The following CCDC28A variants were observed in gnomAD, a reference collection of about 807,000 sequenced individuals.
The protein encoded by CCDC28A is coiled-coil domain-containing protein 28A.
Under a neutral mutation model 22.1 loss-of-function variants are expected in CCDC28A, and 24 were observed. The ratio of observed to expected loss-of-function variants is 1.09; its 90% confidence interval spans 0.79 to 1.53. CCDC28A has a LOEUF of 1.53. Ranked by LOEUF, CCDC28A falls within the 40% of genes most tolerant of loss-of-function variation. The probability of loss-of-function intolerance (pLI) is 0.00; values close to 1 mark genes in which losing one functional copy is unlikely to be tolerated. For missense variants in CCDC28A, 170 were observed against 210.7 expected, an observed-to-expected ratio of 0.81 and a Z score of 1.20; for synonymous variants, 83 against 74.7, an observed-to-expected ratio of 1.11 and a Z score of -0.57.
chr6:138,778,791 G>A (rs906203500), intron 2 of CCDC28A, among the ~76,000 whole-genome samples: 2 of 145,626 alleles, frequency 1.4e-5, no homozygotes, highest in South Asian at 2.1e-4. Context: ...TTTTTGACAC[G>A]GAGTCTCGCT....
intron 1 of CCDC28A, among the ~76,000 whole-genome samples, chr6:138,775,791 C>A (rs1031517382): frequency 6.6e-6 from 1 of 152,106 alleles, no homozygotes; most frequent in African/African-American, 2.4e-5. Context: ...CTCTCCAGTA[C>A]CCACAATAGT....
chr6:138,780,888 A>G (rs1775010632), intron 3 of CCDC28A, among the ~76,000 whole-genome samples: 1 of 152,194 alleles, frequency 6.6e-6, no homozygotes, highest in African/African-American at 2.4e-5. Context: ...TCAATATTTT[A>G]AAAAGCAATT....
intron 3 of CCDC28A, among the ~76,000 whole-genome samples, chr6:138,784,925 C>G (rs1775070287): frequency 6.6e-6 from 1 of 150,646 alleles, no homozygotes; most frequent in African/African-American, 2.4e-5. Flanking sequence ...ATCTCCTGAC[C>G]TCATGATCCA....
Position 138,788,568 on chromosome 6 carries a change from C to CTTT in CCDC28A, c.500+201_500+203dup, listed in dbSNP as rs3070099. ...TTCTTTTCTTTCTCTTTTTTCTTTT[C>CTTT]TTTTTTTTTTTTTTTTTTTTTTTCA... On this transcript the variant is annotated intron_variant, in intron 5 of 5. Transcript: ENST00000617445. Among the ~76,000 whole-genome samples the CTTT allele has an allele frequency of 6.7e-4, 62 of 92,974 alleles. 6 individuals carry two copies. The highest frequency in any genetic ancestry group is 8.5e-4 in the Non-Finnish European group (40 of 46,952). 61.0% of individuals were successfully genotyped at this position (92,974 alleles called of 152,430 possible).
chr6:138,779,561 C>T (rs1774986240), intron 2 of CCDC28A, among the ~76,000 whole-genome samples: 1 of 152,128 alleles, frequency 6.6e-6, no homozygotes, highest in Non-Finnish European at 1.5e-5. Flanking sequence ...TTCTTTTCTG[C>T]AGTCCAAAGA....
At chr6:138,776,596 TTC>T (rs1301660843) in intron 2 of CCDC28A, among the ~76,000 whole-genome samples, 4 of 152,068 alleles carry the variant, frequency 2.6e-5, no homozygotes, top group Non-Finnish European at 1.5e-5. Context: ...GGGTTTTTTG[TTC>T]TCTTTCTTTC....
At chr6:138,774,852 C>T (rs1774902749) in intron 1 of CCDC28A, among the ~76,000 whole-genome samples, 1 of 152,176 alleles carries the variant, frequency 6.6e-6, no homozygotes, top group African/African-American at 2.4e-5. Flanking sequence ...GTAGAGATAG[C>T]CATATAAATT....
chr6:138,773,798 T>G lies in CCDC28A; in HGVS notation c.-147T>G, dbSNP rs780261038. ...ACAAACGGAGCTGCGGAGGAGCGGG[T>G]CCCGGGATGTGACCGGGGCTCTGCT... On this transcript the variant is annotated 5_prime_UTR_variant, in exon 1 of 6. Transcript: ENST00000617445. 6.2e-7 allele frequency: 1 copy of G among 1,613,872 alleles called. No individual in the cohort carries two copies. Among genetic ancestry groups the G allele is most frequent in the South Asian group, 1.1e-5 (1 of 91,060 alleles).
intron 5 of CCDC28A, 120 bp downstream of exon 5, chr6:138,788,508 T>G (rs1475750145): frequency 2.1e-6 from 1 of 486,334 alleles, no homozygotes; most frequent in East Asian, 3.2e-5. Context: ...ACACGTAGTA[T>G]TATTCACTAG....
intron 2 of CCDC28A, among the ~76,000 whole-genome samples, chr6:138,776,694 A>T (rs114041795): frequency 4.6e-5 from 7 of 151,836 alleles, no homozygotes; most frequent in African/African-American, 1.7e-4. Flanking sequence ...ATATATATAT[A>T]TATTTTTAAA....
chr6:138,785,334 AAG>A lies in CCDC28A; in HGVS notation c.434_435del (p.Arg145LysfsTer5), dbSNP rs777556563. The A allele has an allele frequency of 6.2e-7, 1 of 1,613,602 alleles. No homozygotes were observed. The highest frequency in any genetic ancestry group is 8.5e-7 in the Non-Finnish European group (1 of 1,179,508). Reference protein sequence around the residue: ...YGELEELPEDKRKTASDSNLD... With the variant: ...YGELEELPEDXRKTASDSNLD... ...GGAGTTAGAGGAACTTCCTGAGGAT[AAG>A]AGAAAAACAGCCAGTGACTCCAATC... On this transcript the variant is annotated frameshift_variant, in exon 4 of 6. Coordinates refer to ENST00000617445, the MANE Select transcript of CCDC28A (RefSeq NM_015439.3). LOFTEE classifies it high-confidence loss of function.
chr6:138,782,033 G>A (rs1775029611), intron 3 of CCDC28A, among the ~76,000 whole-genome samples: 5 of 152,100 alleles, frequency 3.3e-5, no homozygotes, highest in Admixed American at 3.3e-4. Flanking sequence ...GCCCATCCCA[G>A]TAAGGTGGTA....
chr6:138,788,144 A>G (rs1031006965), intron 4 of CCDC28A, among the ~76,000 whole-genome samples: 1 of 151,486 alleles, frequency 6.6e-6, no homozygotes, highest in African/African-American at 2.4e-5. Context: ...TATTTTTTGT[A>G]GAGAGGAGGT....
chr6:138,788,646 G>A, intron 5 of CCDC28A, among the ~76,000 whole-genome samples: 1 of 140,064 alleles, frequency 7.1e-6, no homozygotes, highest in Non-Finnish European at 1.5e-5. Flanking sequence ...CACGATCATG[G>A]TTCACCACAG....
At position 138,788,568 on chromosome 6, in the gene CCDC28A, C is replaced by CTT. The variant is rs3070099; in HGVS notation, c.500+202_500+203dup. 1.6e-3 allele frequency among the ~76,000 whole-genome samples: 150 copies of CTT among 92,948 alleles called. 3 individuals are homozygous for CTT. Among genetic ancestry groups the CTT allele is most frequent in the Non-Finnish European group, 1.9e-3 (88 of 46,936 alleles). The allele number at this position is 92,948 out of a possible 152,430, so 61.0% of individuals were successfully genotyped here. ...TTCTTTTCTTTCTCTTTTTTCTTTT[C>CTT]TTTTTTTTTTTTTTTTTTTTTTTCA... On this transcript the variant is annotated intron_variant, in intron 5 of 5. Coordinates refer to ENST00000617445, the MANE Select transcript of CCDC28A (RefSeq NM_015439.3).
chr6:138,784,937 C>A (rs1219728171), intron 3 of CCDC28A, among the ~76,000 whole-genome samples: 1 of 151,088 alleles, frequency 6.6e-6, no homozygotes, highest in Non-Finnish European at 1.5e-5. Context: ...CATGATCCAC[C>A]AGCTTCAGCC....
At chr6:138,782,136 C>T (rs1775030835) in intron 3 of CCDC28A, among the ~76,000 whole-genome samples, 1 of 152,106 alleles carries the variant, frequency 6.6e-6, no homozygotes, top group African/African-American at 2.4e-5. Flanking sequence ...TTGCTTTTTC[C>T]CAGCACCTTT....
At chr6:138,791,213 AG>A (rs1019074474) in intron 5 of CCDC28A, among the ~76,000 whole-genome samples, 2 of 151,872 alleles carry the variant, frequency 1.3e-5, no homozygotes, top group Non-Finnish European at 2.9e-5. Context: ...CCTCCTGAGT[AG>A]CTGGGACTAC....
At chr6:138,786,006 C>T (rs1039925990) in intron 4 of CCDC28A, among the ~76,000 whole-genome samples, 1 of 152,128 alleles carries the variant, frequency 6.6e-6, no homozygotes, top group Non-Finnish European at 1.5e-5. Flanking sequence ...CCAGGGCTGC[C>T]AAAACAAAGT....
Sources: gnomAD v4.1 joint callset for allele counts (sites outside exome capture counted in the v4.1 genomes callset) on GRCh38, gnomAD v4.1.1 for gene constraint, MANE v1.5 for transcripts, NCBI Gene and HGNC (gene_info 2026-07-23, HGNC 2026-07-21) for gene names.